The following GRID1 variants were observed in gnomAD, a reference collection of about 807,000 sequenced individuals.
GRID1 encodes glutamate receptor ionotropic, delta-1.
GRID1 carries 28 observed loss-of-function variants against 98.0 expected under a neutral mutation model. The observed-to-expected ratio is 0.29, with a 90% CI of 0.21 to 0.39. GRID1 has a LOEUF of 0.39. GRID1 is among the 10% of genes least tolerant of loss of function. GRID1 has a pLI of 1.00. For synonymous variants in GRID1, 553 were observed against 538.5 expected, an observed-to-expected ratio of 1.03 and a Z score of -0.37; for missense variants, 1,111 against 1,340.5, an observed-to-expected ratio of 0.83 and a Z score of 2.67.
chr10:86,361,161 G>A (rs1245483422), intron 2 of GRID1, among the ~76,000 whole-genome samples: 2 of 152,186 alleles, frequency 1.3e-5, no homozygotes, highest in African/African-American at 4.8e-5. Context: ...GTACATCCAA[G>A]GAAGGACATC....
chr10:86,259,730 G>T (rs1846983264), intron 2 of GRID1, among the ~76,000 whole-genome samples: 1 of 152,230 alleles, frequency 6.6e-6, no homozygotes, highest in Non-Finnish European at 1.5e-5. Context: ...GGGAAGGAAA[G>T]ACAGCAGAAG....
chr10:86,033,978 T>A (rs1042867334), intron 4 of GRID1, among the ~76,000 whole-genome samples: 1 of 152,212 alleles, frequency 6.6e-6, no homozygotes, highest in African/African-American at 2.4e-5. Context: ...GTGTCTACAC[T>A]TGGATTCATT....
intron 8 of GRID1, among the ~76,000 whole-genome samples, chr10:85,741,753 T>C (rs1435346885): frequency 2.6e-5 from 4 of 152,126 alleles, no homozygotes; most frequent in African/African-American, 9.7e-5. Flanking sequence ...TCATGGCCTG[T>C]AAGACTCACC....
chr10:86,079,125 G>A (rs772183021), intron 4 of GRID1, among the ~76,000 whole-genome samples: 6 of 152,202 alleles, frequency 3.9e-5, no homozygotes, highest in Non-Finnish European at 8.8e-5. Flanking sequence ...AGCAGCACAG[G>A]TTTCAGAGAG....
intron 12 of GRID1, among the ~76,000 whole-genome samples, chr10:85,712,489 C>A (rs1482967804): frequency 6.6e-6 from 1 of 151,748 alleles, no homozygotes; most frequent in African/African-American, 2.4e-5. Flanking sequence ...GACATCAATG[C>A]CCCACTTTCA....
intron 12 of GRID1, among the ~76,000 whole-genome samples, chr10:85,713,330 T>A (rs1841602275): frequency 1.3e-5 from 2 of 151,788 alleles, no homozygotes. Flanking sequence ...TCTAGAAACG[T>A]ACAACCTACT....
At chr10:85,710,849 A>G (rs1366431106) in intron 12 of GRID1, among the ~76,000 whole-genome samples, 6 of 152,050 alleles carry the variant, frequency 3.9e-5, no homozygotes, top group Non-Finnish European at 8.8e-5. Context: ...TTGACAATAA[A>G]CACATACAAA....
intron 4 of GRID1, among the ~76,000 whole-genome samples, chr10:86,047,746 G>A (rs1436253467): frequency 6.6e-6 from 1 of 151,864 alleles, no homozygotes; most frequent in Non-Finnish European, 1.5e-5. Context: ...GTTTCTAGGG[G>A]GAAAAAAATG....
Position 85,647,370 on chromosome 10 carries a change from C to T in GRID1, c.2025G>A (p.Val675=). ...CCCGGACAGTGCCATAAGACATTTC[C>T]ACTTGTTTGGACAGGTCCTGGAAAG... ...IRTFQDLSKQ[V]EMSYGTVRDS... is the part of the protein sequence containing the mutation. The change falls in exon 13 of 16, where the codon GTG becomes GTA. Residue 675 remains valine (V), a synonymous_variant. Transcript: ENST00000327946. 2 of 1,614,210 alleles carry T rather than the reference C, an allele frequency of 1.2e-6. No individual in the cohort carries two copies. Among genetic ancestry groups the T allele is most frequent in the South Asian group, 2.2e-5 (2 of 91,088 alleles).
intron 8 of GRID1, among the ~76,000 whole-genome samples, chr10:85,827,295 T>C (rs757017852): frequency 6.6e-6 from 1 of 151,984 alleles, no homozygotes; most frequent in African/African-American, 2.4e-5. Context: ...ATTCATCAGA[T>C]AGAGCTAAAA....
intron 12 of GRID1, among the ~76,000 whole-genome samples, chr10:85,662,181 G>T (rs1276370318): frequency 6.6e-6 from 1 of 152,182 alleles, no homozygotes; most frequent in South Asian, 2.1e-4. Context: ...GTGGATGAAT[G>T]ATGTATAAGA....
chr10:86,257,833 G>C (rs560623417), intron 2 of GRID1, among the ~76,000 whole-genome samples: 1 of 152,280 alleles, frequency 6.6e-6, no homozygotes, highest in South Asian at 2.1e-4. Flanking sequence ...ACACCTAAAA[G>C]GATTATCTCC....
chr10:86,175,019 T>C (rs887894554), intron 3 of GRID1, among the ~76,000 whole-genome samples: 4 of 152,042 alleles, frequency 2.6e-5, no homozygotes, highest in Non-Finnish European at 4.4e-5. Context: ...TGTGGAGAAA[T>C]AGGAACACTT....
chr10:86,031,756 G>A (rs1341537572), intron 4 of GRID1, among the ~76,000 whole-genome samples: 3 of 151,962 alleles, frequency 2.0e-5, no homozygotes, highest in East Asian at 3.9e-4. Context: ...CTCTCTAACA[G>A]CTTCCATCTT....
At chr10:85,810,288 G>A (rs1272008739) in intron 8 of GRID1, among the ~76,000 whole-genome samples, 2 of 152,192 alleles carry the variant, frequency 1.3e-5, no homozygotes, top group East Asian at 1.9e-4. Flanking sequence ...ATGGGTGGCT[G>A]TAACACCATG....
intron 4 of GRID1, among the ~76,000 whole-genome samples, chr10:85,970,006 G>A (rs1842386406): frequency 6.7e-6 from 1 of 150,124 alleles, no homozygotes; most frequent in East Asian, 2.0e-4. Flanking sequence ...ATAAAAGAGG[G>A]GATTTCACTA....
At chr10:86,361,320 G>A (rs1027849864) in intron 2 of GRID1, among the ~76,000 whole-genome samples, 10 of 152,108 alleles carry the variant, frequency 6.6e-5, no homozygotes, top group African/African-American at 2.4e-4. Flanking sequence ...AGATAACAAT[G>A]GATTTCAGTC....
At chr10:85,928,283 A>G (rs1841802973) in intron 4 of GRID1, among the ~76,000 whole-genome samples, 1 of 152,212 alleles carries the variant, frequency 6.6e-6, no homozygotes, top group Non-Finnish European at 1.5e-5. Context: ...ATATAGCAAG[A>G]TTGCATCTCT....
chr10:85,918,215 C>CT (rs1333914144), intron 4 of GRID1, among the ~76,000 whole-genome samples: 2 of 152,206 alleles, frequency 1.3e-5, no homozygotes, highest in African/African-American at 4.8e-5. Context: ...AATCTAAAGA[C>CT]TTGTGGTTTA....
Sources: gnomAD v4.1 joint callset for allele counts (sites outside exome capture counted in the v4.1 genomes callset) on GRCh38, gnomAD v4.1.1 for gene constraint, MANE v1.5 for transcripts, NCBI Gene and HGNC (gene_info 2026-07-23, HGNC 2026-07-21) for gene names.